The following ELMO1 variants were observed in gnomAD, a reference collection of about 807,000 sequenced individuals.
ELMO1 encodes engulfment and cell motility 1, also known as engulfment and cell motility protein 1.
Under a neutral mutation model 98.9 loss-of-function variants are expected in ELMO1, and 26 were observed. That is an observed-to-expected ratio of 0.26 (90% CI 0.19 to 0.36). The LOEUF is 0.36. Ranked by LOEUF, ELMO1 falls within the 10% of genes least tolerant of loss-of-function variation. The probability of loss-of-function intolerance (pLI) is 1.00; values close to 1 mark genes in which losing one functional copy is unlikely to be tolerated. For synonymous variants in ELMO1, 346 were observed against 346.0 expected, an observed-to-expected ratio of 1.00 and a Z score of 0.00; for missense variants, 627 against 935.2, an observed-to-expected ratio of 0.67 and a Z score of 4.30.
chr7:37,414,278 T>C (rs1028192160), intron 1 of ELMO1, among the ~76,000 whole-genome samples: 7 of 151,786 alleles, frequency 4.6e-5, no homozygotes, highest in African/African-American at 1.4e-4. Flanking sequence ...TGCTAAACAG[T>C]ACCTCTTAGT....
At chr7:37,075,694 G>T (rs1300024342) in intron 15 of ELMO1, among the ~76,000 whole-genome samples, 1 of 152,054 alleles carries the variant, frequency 6.6e-6, no homozygotes, top group Non-Finnish European at 1.5e-5. Flanking sequence ...CTATCAAGAA[G>T]CCCTTCTAGG....
chr7:37,216,630 C>A lies in ELMO1; in HGVS notation c.831+15G>T, dbSNP rs773347856. Reference sequence around the variant, plus strand: ...CTCCTCCCCCACAAAGAGGTCACAGCGCATAGGTACTCACTGTTAAAATGA... The same window carrying A: ...CTCCTCCCCCACAAAGAGGTCACAGAGCATAGGTACTCACTGTTAAAATGA... On this transcript the variant is annotated intron_variant, in intron 11 of 21. Transcript: ENST00000310758. 12 of 1,613,594 alleles carry A rather than the reference C, an allele frequency of 7.4e-6. No individual in the cohort carries two copies. The highest frequency in any genetic ancestry group is 3.3e-5 in the Admixed American group (2 of 59,986).
At position 37,301,059 on chromosome 7, in the gene ELMO1, G is replaced by C. The variant is rs549349269; in HGVS notation, c.192+13791C>G. Among the ~76,000 whole-genome samples, 731 of 152,050 alleles carry C rather than the reference G, an allele frequency of 4.8e-3. 6 individuals carry two copies. The highest frequency in any genetic ancestry group is 0.017 in the African/African-American group (702 of 41,490). On this transcript the variant is annotated intron_variant, in intron 4 of 21. Coordinates refer to ENST00000310758, the MANE Select transcript of ELMO1 (RefSeq NM_014800.11). ...AGATTTTCTAGTTTATTTGCGTAGA[G>C]GTGTTTGTAGTATTCTCTGATGGTA...
At position 37,233,645 on chromosome 7, in the gene ELMO1, G is replaced by T. The variant is rs115466326; in HGVS notation, c.450-451C>A. ...GCTAATGAAATTTGGAGCTGCTTAGGCAGGGCAATGTGCTTCCTTTATTAC... is the reference window on the plus strand; with the variant it reads ...GCTAATGAAATTTGGAGCTGCTTAGTCAGGGCAATGTGCTTCCTTTATTAC... On this transcript the variant is annotated intron_variant, in intron 7 of 21. Transcript: ENST00000310758. Among the ~76,000 whole-genome samples the T allele has an allele frequency of 8.3e-3, 1,269 of 152,292 alleles. 21 individuals are homozygous for T. Among genetic ancestry groups the T allele is most frequent in the African/African-American group, 0.029 (1,224 of 41,552 alleles).
At chr7:37,322,822 G>A (rs1562613419) in intron 2 of ELMO1, among the ~76,000 whole-genome samples, 1 of 151,404 alleles carries the variant, frequency 6.6e-6, no homozygotes, top group Non-Finnish European at 1.5e-5. Flanking sequence ...GCTCTGTCTC[G>A]AAAAAAAATT....
intron 13 of ELMO1, among the ~76,000 whole-genome samples, chr7:37,178,983 C>A (rs1790671807): frequency 6.6e-6 from 1 of 152,170 alleles, no homozygotes; most frequent in Admixed American, 6.5e-5. Flanking sequence ...CTAAAACACT[C>A]TGCTGTTTGG....
chr7:37,170,876 G>T (rs1405343207), intron 13 of ELMO1, among the ~76,000 whole-genome samples: 1 of 151,864 alleles, frequency 6.6e-6, no homozygotes, highest in Non-Finnish European at 1.5e-5. Context: ...CAAAGTGCTG[G>T]GATTACAGGT....
intron 14 of ELMO1, among the ~76,000 whole-genome samples, chr7:37,125,397 G>T (rs570497216): frequency 1.7e-4 from 26 of 152,110 alleles, no homozygotes; most frequent in Middle Eastern, 3.4e-3. Flanking sequence ...TCTGACAAAG[G>T]GCTAATATCC....
intron 13 of ELMO1, among the ~76,000 whole-genome samples, chr7:37,210,248 G>C (rs547007690): frequency 2.8e-4 from 43 of 152,184 alleles, no homozygotes; most frequent in Non-Finnish European, 4.3e-4. Context: ...TACATTCTGG[G>C]CTGTAAGATA....
At chr7:37,258,992 G>A (rs1273120525) in intron 6 of ELMO1, among the ~76,000 whole-genome samples, 189 bp downstream of exon 6, 1 of 151,416 alleles carries the variant, frequency 6.6e-6, no homozygotes, top group Non-Finnish European at 1.5e-5. Context: ...GATGGTGGTG[G>A]GCAAAGGATG....
intron 10 of ELMO1, among the ~76,000 whole-genome samples, chr7:37,218,353 A>C (rs1793413315): frequency 6.6e-6 from 1 of 152,258 alleles, no homozygotes; most frequent in African/African-American, 2.4e-5. Context: ...TGAGTCCCTC[A>C]TGAGCAGAAA....
At chr7:37,018,328 G>C (rs968800966) in intron 15 of ELMO1, among the ~76,000 whole-genome samples, 1 of 151,800 alleles carries the variant, frequency 6.6e-6, no homozygotes, top group Non-Finnish European at 1.5e-5. Flanking sequence ...GTTTCTCCAT[G>C]CTGGTCAGGC....
chr7:37,241,505 A>G (rs1794764705), intron 7 of ELMO1, among the ~76,000 whole-genome samples: 1 of 152,096 alleles, frequency 6.6e-6, no homozygotes, highest in Non-Finnish European at 1.5e-5. Flanking sequence ...TTTACATTTA[A>G]TGTATTGATA....
chr7:37,078,417 A>G (rs559511258), intron 15 of ELMO1, among the ~76,000 whole-genome samples: 25 of 152,286 alleles, frequency 1.6e-4, no homozygotes, highest in African/African-American at 5.5e-4. Flanking sequence ...TCTCATGTCT[A>G]TATCTATTAA....
In ELMO1 at chr7:36,975,845, G is replaced by GAA. The variant is rs200193324; in HGVS notation, c.1437+37452_1437+37453dup. ...CTGGGCAACAGAGTGACACTTGCCTGAAAAAAAAAAAAAAAAAAGATAAAA... is the reference window on the plus strand; with the variant it reads ...CTGGGCAACAGAGTGACACTTGCCTGAAAAAAAAAAAAAAAAAAAAGATAAAA... On this transcript the variant is annotated intron_variant, in intron 16 of 21. Transcript: ENST00000310758. Among the ~76,000 whole-genome samples the GAA allele has an allele frequency of 8.8e-3, 916 of 103,770 alleles. 8 individuals are homozygous for GAA. Among genetic ancestry groups the GAA allele is most frequent in the African/African-American group, 0.028 (795 of 28,824 alleles). The allele number at this position is 103,770 out of a possible 152,430, so 68.1% of individuals were successfully genotyped here.
At chr7:37,115,671 C>T (rs757271139) in intron 14 of ELMO1, among the ~76,000 whole-genome samples, 13 of 151,872 alleles carry the variant, frequency 8.6e-5, no homozygotes, top group Non-Finnish European at 1.6e-4. Context: ...TGACTCTGCC[C>T]TAGGATCAGG....
chr7:37,266,122 T>C (rs976606359), intron 5 of ELMO1, among the ~76,000 whole-genome samples: 2 of 152,196 alleles, frequency 1.3e-5, no homozygotes, highest in Non-Finnish European at 2.9e-5. Context: ...CGCCTCTGCC[T>C]GCCAGCCTCC....
At chr7:37,164,653 T>C (rs1182335415) in intron 13 of ELMO1, among the ~76,000 whole-genome samples, 1 of 151,834 alleles carries the variant, frequency 6.6e-6, no homozygotes, top group Non-Finnish European at 1.5e-5. Flanking sequence ...GTTGTAGATA[T>C]GTGGCATTAT....
At position 37,043,480 on chromosome 7, in the gene ELMO1, G is replaced by C. The variant is rs144738931; in HGVS notation, c.1301-30045C>G. Among the ~76,000 whole-genome samples the C allele has an allele frequency of 7.2e-5, 11 of 152,352 alleles. No individual in the cohort carries two copies. The East Asian group carries it at 2.1e-3, about 29-fold the overall frequency. ...CAAAGCGGCCACACAGGAGGTTTTG[G>C]AGTGATGCAAATGGTCAGATCTTGA... On this transcript the variant is annotated intron_variant, in intron 15 of 21. Transcript: ENST00000310758.
Sources: allele counts gnomAD v4.1 joint callset (sites outside exome capture counted in the v4.1 genomes callset), GRCh38; gene constraint gnomAD v4.1.1; transcripts MANE v1.5; gene names NCBI Gene and HGNC (gene_info 2026-07-23, HGNC 2026-07-21).